Variants in RBBP8 observed in about 807,000 individuals in gnomAD.
RBBP8 encodes the protein RB binding protein 8, endonuclease, also known as DNA endonuclease RBBP8.
A neutral mutation model predicts 108.3 loss-of-function variants in RBBP8; 88 were observed. The observed-to-expected ratio is 0.81, with a 90% CI of 0.68 to 0.97. The LOEUF is 0.97. Among genes scored for constraint, RBBP8 ranks in the 50% least tolerant of loss-of-function variants. The pLI is 0.00. For missense variants in RBBP8, 1,023 were observed against 1,049.0 expected (o/e 0.98, Z 0.34); for synonymous variants, 332 against 348.2 (o/e 0.95, Z 0.52).
At chr18:22,940,250 T>G (rs890549466) in intron 2 of RBBP8, among the ~76,000 whole-genome samples, 1 of 152,028 alleles carries the variant, frequency 6.6e-6, no homozygotes, top group African/African-American at 2.4e-5. Context: ...TATATAGTAT[T>G]GACATCTTAA....
At chr18:22,979,451 C>T (rs1041049220) in intron 6 of RBBP8, among the ~76,000 whole-genome samples, 5 of 152,040 alleles carry the variant, frequency 3.3e-5, no homozygotes, top group African/African-American at 1.2e-4. Context: ...AAGTGTAAAT[C>T]TTTTTTGGGA....
chr18:22,992,005 T>C (rs575195507), intron 10 of RBBP8, among the ~76,000 whole-genome samples: 10 of 152,288 alleles, frequency 6.6e-5, no homozygotes, highest in Non-Finnish European at 8.8e-5. Context: ...TCAGGCCACA[T>C]AGCTATTAAG....
intron 3 of RBBP8, among the ~76,000 whole-genome samples, chr18:22,923,049 A>G (rs1372705447): frequency 1.3e-5 from 2 of 152,156 alleles, no homozygotes; most frequent in Non-Finnish European, 2.9e-5. Context: ...TAACTATACA[A>G]CTTTAGCCAT....
chr18:22,960,573 C>T (rs540789093), intron 4 of RBBP8, among the ~76,000 whole-genome samples: 1 of 152,100 alleles, frequency 6.6e-6, no homozygotes, highest in Non-Finnish European at 1.5e-5. Context: ...ATTATCAATG[C>T]TTATATTACA....
At chr18:22,925,509 GAC>G (rs1202442434) in intron 3 of RBBP8, among the ~76,000 whole-genome samples, 1 of 152,056 alleles carries the variant, frequency 6.6e-6, no homozygotes, top group Non-Finnish European at 1.5e-5. Flanking sequence ...ACCAAAAAAA[GAC>G]AGTGCGTTTA....
chr18:22,977,547 T>G (rs565933376), intron 6 of RBBP8, among the ~76,000 whole-genome samples: 106 of 152,228 alleles, frequency 7.0e-4, no homozygotes, highest in African/African-American at 2.5e-3. Flanking sequence ...TCAGTGAAAG[T>G]CAAGGGAGTC....
intron 4 of RBBP8, among the ~76,000 whole-genome samples, chr18:22,957,263 G>A (rs1446849403): frequency 7.3e-6 from 1 of 137,714 alleles, no homozygotes; most frequent in East Asian, 2.2e-4. Context: ...GTCACAGTAT[G>A]AATTATACTT....
At chr18:22,970,439 T>C (rs1913989884) in intron 5 of RBBP8, among the ~76,000 whole-genome samples, 1 of 152,228 alleles carries the variant, frequency 6.6e-6, no homozygotes, top group African/African-American at 2.4e-5. Context: ...TTTTTTTAAA[T>C]GGCTGCATTG....
intron 4 of RBBP8, chr18:22,949,985 C>T (rs1052169707): frequency 2.7e-5 from 8 of 297,000 alleles, no homozygotes; most frequent in African/African-American, 1.7e-4. Context: ...TCATTTAATG[C>T]TTTAATTCCA....
chr18:22,940,110 G>T (rs749008598), intron 2 of RBBP8, among the ~76,000 whole-genome samples: 7 of 151,936 alleles, frequency 4.6e-5, no homozygotes, highest in African/African-American at 7.3e-5. Context: ...ATGTAAAATG[G>T]TATGTGCTAT....
chr18:23,002,818 A>G (rs1024002234), intron 15 of RBBP8, among the ~76,000 whole-genome samples: 1 of 152,204 alleles, frequency 6.6e-6, no homozygotes, highest in Non-Finnish European at 1.5e-5. Flanking sequence ...GACCCAAACC[A>G]AAGATAGAGG....
chr18:22,954,352 A>C (rs1419016670), intron 4 of RBBP8, among the ~76,000 whole-genome samples: 1 of 152,228 alleles, frequency 6.6e-6, no homozygotes, highest in Non-Finnish European at 1.5e-5. Context: ...CACCCATTCC[A>C]AATGGGAGAA....
chr18:22,990,744 T>C (rs1230750042), intron 9 of RBBP8, among the ~76,000 whole-genome samples, 193 bp from the exon 10 acceptor site: 1 of 152,228 alleles, frequency 6.6e-6, no homozygotes, highest in Non-Finnish European at 1.5e-5. Flanking sequence ...ACTTCCAATC[T>C]GCTTTCTGTC....
At chr18:23,009,610 G>A (rs866638040) in intron 16 of RBBP8, among the ~76,000 whole-genome samples, 6 of 151,344 alleles carry the variant, frequency 4.0e-5, no homozygotes, top group African/African-American at 7.3e-5. Flanking sequence ...TAAATCTCAC[G>A]TCTATTCTTG....
chr18:22,993,579 T>C lies in RBBP8; in HGVS notation c.1752T>C (p.Phe584=). The part of the protein sequence containing the change: ...SLQIKEENAV[F]KIPLRPRESL... The stretch of plus-strand genomic sequence containing the variant: ...AAATAAAAGAAGAAAATGCTGTCTT[T>C]AAAATTCCTCTACGTCCACGTGAAA... The change falls in exon 11 of 19, where the codon TTT becomes TTC. Residue 584 remains phenylalanine (F), a synonymous_variant. Transcript: ENST00000327155. The C allele has an allele frequency of 5.6e-6, 9 of 1,613,940 alleles. No individual in the cohort carries two copies. Among genetic ancestry groups the C allele is most frequent in the Non-Finnish European group, 7.6e-6 (9 of 1,180,008 alleles).
chr18:22,975,999 C>G (rs1200693014), intron 6 of RBBP8, among the ~76,000 whole-genome samples: 1 of 152,108 alleles, frequency 6.6e-6, no homozygotes, highest in Non-Finnish European at 1.5e-5. Context: ...TTTTTGAAAA[C>G]TTAGGATTCA....
At chr18:23,001,500 T>A in intron 14 of RBBP8, 86 bp from the exon 15 acceptor site, 2 of 1,443,556 alleles carry the variant, frequency 1.4e-6, no homozygotes, top group Non-Finnish European at 1.9e-6. Flanking sequence ...ATTCTGTTAT[T>A]GTGTGGTAGT....
At chr18:23,010,932 G>C (rs2046148440) in intron 16 of RBBP8, among the ~76,000 whole-genome samples, 2 of 152,172 alleles carry the variant, frequency 1.3e-5, no homozygotes, top group Admixed American at 1.3e-4. Context: ...TATAGAAGTG[G>C]AGTAGTTAAT....
chr18:22,936,719 G>C (rs771928161), intron 1 of RBBP8, 35 bp from the exon 2 acceptor site: 2 of 983,534 alleles, frequency 2.0e-6, no homozygotes, highest in African/African-American at 1.6e-5. Context: ...AAAGATAAAT[G>C]CAAAGTTCAT....
Sources: allele counts gnomAD v4.1 joint callset (sites outside exome capture counted in the v4.1 genomes callset), GRCh38; gene constraint gnomAD v4.1.1; transcripts MANE v1.5; gene names NCBI Gene and HGNC (gene_info 2026-07-23, HGNC 2026-07-21).